The following ENTPD6 variants were observed in gnomAD, a reference collection of about 807,000 sequenced individuals.
ENTPD6 encodes the protein CD39 antigen-like 2.
ENTPD6 carries 46 observed loss-of-function variants against 61.5 expected under a neutral mutation model. The observed-to-expected ratio is 0.75, with a 90% confidence interval of 0.59 to 0.96. The LOEUF (loss-of-function observed/expected upper bound fraction) is 0.96, where lower values mean the gene tolerates loss of function less well. ENTPD6 is among the 40% of genes least tolerant of loss of function. The pLI is 0.00. For missense variants in ENTPD6, 612 were observed against 629.0 expected, an observed-to-expected ratio of 0.97 and a Z score of 0.29; for synonymous variants, 252 against 255.5, an observed-to-expected ratio of 0.99 and a Z score of 0.13.
At chr20:25,218,486 G>A (rs2092463617) in intron 9 of ENTPD6, 64 bp from the exon 10 acceptor site, 12 of 1,501,674 alleles carry the variant, frequency 8.0e-6, no homozygotes, top group Admixed American at 5.8e-5. Flanking sequence ...GGGTCTCAGA[G>A]GTGAGCCTGC....
chr20:25,222,778 G>A (rs756082114), intron 11 of ENTPD6, 60 bp from the exon 12 acceptor site: 52 of 1,591,170 alleles, frequency 3.3e-5, no homozygotes, highest in Non-Finnish European at 3.9e-5. Flanking sequence ...GGGGCCCCAA[G>A]CAGCTGTGAG....
At chr20:25,221,643 G>A in intron 11 of ENTPD6, 1 of 417,012 alleles carries the variant, frequency 2.4e-6, no homozygotes, top group Non-Finnish European at 4.5e-6. Flanking sequence ...GAGATGCAGG[G>A]CTGGGACTGG....
At chr20:25,221,101 C>A (rs2092615616) in intron 10 of ENTPD6, 131 bp from the exon 11 acceptor site, 3 of 656,588 alleles carry the variant, frequency 4.6e-6, no homozygotes, top group Non-Finnish European at 8.0e-6. Flanking sequence ...TGTTGCCTTC[C>A]CAGTGGACCT....
chr20:25,206,993 G>T, intron 2 of ENTPD6, 83 bp from the exon 3 acceptor site: 1 of 1,276,130 alleles, frequency 7.8e-7, no homozygotes, highest in Non-Finnish European at 1.1e-6. Flanking sequence ...TGAACATTTT[G>T]TCCCTGGGCC....
intron 4 of ENTPD6, 135 bp from the exon 5 acceptor site, chr20:25,213,128 C>A: frequency 1.1e-6 from 1 of 950,564 alleles, no homozygotes; most frequent in South Asian, 1.5e-5. Context: ...GTGATCAAGC[C>A]ACTTCACTCT....
intron 1 of ENTPD6, among the ~76,000 whole-genome samples, chr20:25,203,454 T>C (rs1416014089): frequency 1.3e-5 from 2 of 152,226 alleles, no homozygotes; most frequent in Non-Finnish European, 2.9e-5. Context: ...CTGCTCACTT[T>C]CCTCATTCTT....
chr20:25,223,054 G>T, intron 12 of ENTPD6, 76 bp downstream of exon 12: 3 of 1,526,488 alleles, frequency 2.0e-6, no homozygotes, highest in South Asian at 1.2e-5. Flanking sequence ...TGCTCCCCGA[G>T]GCAGAGGGCT....
intron 7 of ENTPD6, 38 bp from the exon 8 acceptor site, chr20:25,216,610 C>T (rs1299922923): frequency 6.6e-7 from 1 of 1,504,038 alleles, no homozygotes; most frequent in African/African-American, 1.4e-5. Flanking sequence ...CGCGATCTTA[C>T]TAATGCCCCT....
At chr20:25,209,133 G>A (rs1186707511) in intron 3 of ENTPD6, among the ~76,000 whole-genome samples, 8 of 142,606 alleles carry the variant, frequency 5.6e-5, no homozygotes, top group Non-Finnish European at 9.1e-5. Flanking sequence ...TTTTTGAGAT[G>A]GAGTCTCGCT....
intron 4 of ENTPD6, among the ~76,000 whole-genome samples, chr20:25,212,129 A>T (rs1210871253): frequency 6.6e-6 from 1 of 152,310 alleles, no homozygotes; most frequent in Admixed American, 6.5e-5. Context: ...CCTTGGACAG[A>T]TGCAACCCAC....
intron 3 of ENTPD6, 50 bp downstream of exon 3, chr20:25,207,447 A>C (rs1222761360): frequency 2.0e-6 from 3 of 1,476,366 alleles, no homozygotes; most frequent in Non-Finnish European, 2.7e-6. Flanking sequence ...CCTGTGCTAC[A>C]GTGTTGGCCG....
intron 1 of ENTPD6, among the ~76,000 whole-genome samples, chr20:25,197,750 C>A (rs1411269798): frequency 6.6e-6 from 1 of 152,220 alleles, no homozygotes; most frequent in Admixed American, 6.5e-5. Flanking sequence ...GTTCCTGGTT[C>A]TGTGCTCTCT....
In ENTPD6 at chr20:25,215,646, T is replaced by G. The variant is rs753634160; in HGVS notation, c.674-30T>G. The G allele has an allele frequency of 1.5e-5, 25 of 1,613,526 alleles. No individual in the cohort carries two copies. The Admixed American group carries it at 4.2e-4, about 27-fold the overall frequency. ...TTATGCTTTCAGCATCTCAAGTGAT[T>G]AAAATAATGCCTGTGACACTCTCTT... On this transcript the variant is annotated intron_variant, in intron 6 of 14. Transcript: ENST00000376652.
chr20:25,221,158 C>T (rs548807948), intron 10 of ENTPD6, 74 bp from the exon 11 acceptor site: 63 of 1,221,264 alleles, frequency 5.2e-5, no homozygotes, highest in Admixed American at 1.6e-4. Flanking sequence ...AGGGCCTCCG[C>T]GACTCCTAGC....
At chr20:25,200,343 C>T (rs1268639783) in intron 1 of ENTPD6, among the ~76,000 whole-genome samples, 1 of 149,130 alleles carries the variant, frequency 6.7e-6, no homozygotes, top group African/African-American at 2.4e-5. Flanking sequence ...AGCAGATGTA[C>T]TATTTACCTG....
chr20:25,222,953 C>T lies in ENTPD6; in HGVS notation c.1161C>T (p.Asp387=), dbSNP rs535479864. ...VDFYAFSYYY[D]LAAGVGLIDA... The stretch of plus-strand genomic sequence containing the variant: ...TCTATGCTTTCTCCTACTATTACGA[C>T]CTTGCAGCTGGTGTGGGCCTCATAG... The change falls in exon 12 of 15, where the codon GAC becomes GAT. Residue 387 remains aspartate, a synonymous_variant. Coordinates refer to ENST00000376652, the MANE Select transcript of ENTPD6 (RefSeq NM_001247.5). The T allele has an allele frequency of 1.9e-5, 31 of 1,613,870 alleles. No individual in the cohort carries two copies. In the East Asian group the frequency reaches 4.0e-4, roughly 21 times the overall value.
At chr20:25,206,800 G>A (rs1407454813) in intron 2 of ENTPD6, among the ~76,000 whole-genome samples, 1 of 152,180 alleles carries the variant, frequency 6.6e-6, no homozygotes, top group African/African-American at 2.4e-5. Flanking sequence ...TCCCTTAGAG[G>A]AGCCAGCCAC....
chr20:25,220,794 C>T (rs2092603868), intron 10 of ENTPD6, among the ~76,000 whole-genome samples: 1 of 152,226 alleles, frequency 6.6e-6, no homozygotes, highest in Non-Finnish European at 1.5e-5. Flanking sequence ...GCTTCCTTTG[C>T]TGGTTTTGAG....
At chr20:25,222,628 G>A (rs1025987056) in intron 11 of ENTPD6, 15 of 541,498 alleles carry the variant, frequency 2.8e-5, no homozygotes, top group African/African-American at 1.1e-4. Flanking sequence ...CACTCCCTGC[G>A]CCGGGACCAA....
Sources: allele counts gnomAD v4.1 joint callset (sites outside exome capture counted in the v4.1 genomes callset), GRCh38; gene constraint gnomAD v4.1.1; transcripts MANE v1.5; gene names NCBI Gene and HGNC (gene_info 2026-07-23, HGNC 2026-07-21).